Variants in EXOC4 observed in about 807,000 individuals in gnomAD.
The protein encoded by EXOC4 is SEC8-like 1.
In EXOC4, 71 loss-of-function variants were observed where a neutral mutation model predicts 107.2. The observed-to-expected ratio is 0.66, with a 90% CI of 0.55 to 0.81. The LOEUF (loss-of-function observed/expected upper bound fraction) is 0.81. EXOC4 is among the 30% of genes least tolerant of loss of function. The pLI is 0.00. For missense variants in EXOC4, 1,108 were observed against 1,189.6 expected, an observed-to-expected ratio of 0.93 and a Z score of 1.01; for synonymous variants, 456 against 441.2, an observed-to-expected ratio of 1.03 and a Z score of -0.42.
chr7:133,790,295 T>C (rs957198044), intron 10 of EXOC4, among the ~76,000 whole-genome samples: 3 of 152,232 alleles, frequency 2.0e-5, no homozygotes, highest in African/African-American at 7.2e-5. Flanking sequence ...GTCTCAGAGA[T>C]TCTTCACCTG....
chr7:133,351,099 T>C lies in EXOC4; in HGVS notation c.764-5231T>C, dbSNP rs1199339749. ...GTGTATAGTCCTATAAGTATGCTGC[T>C]GAATTCAGTTTGTTAGTGTTTTGTT... On this transcript the variant is annotated intron_variant, in intron 5 of 17. Coordinates refer to ENST00000253861, the MANE Select transcript of EXOC4 (RefSeq NM_021807.4). Among the ~76,000 whole-genome samples the C allele has an allele frequency of 2.6e-5, 4 of 152,190 alleles. No individual in the cohort carries two copies. The East Asian group carries it at 7.7e-4, about 29-fold the overall frequency.
In EXOC4 at chr7:133,630,236, A is replaced by C. The variant is rs1585042706; in HGVS notation, c.1514+95A>C. The C allele has an allele frequency of 6.8e-6, 6 of 884,310 alleles. 2 individuals are homozygous for C. The Admixed American group carries it at 1.4e-4, about 20-fold the overall frequency. 54.8% of individuals were successfully genotyped at this position (884,310 alleles called of 1,614,324 possible). A position where few individuals can be genotyped will look rare whatever the true frequency, so the allele number is the denominator to read the frequency against. On this transcript the variant is annotated intron_variant, in intron 10 of 17. Coordinates refer to ENST00000253861, the MANE Select transcript of EXOC4 (RefSeq NM_021807.4). ...CCAGTTGTTGAGTCAGCACTGAAACAAGTCATAAAAGAAATTTATTCCATT... is the reference window on the plus strand; with the variant it reads ...CCAGTTGTTGAGTCAGCACTGAAACCAGTCATAAAAGAAATTTATTCCATT...
intron 6 of EXOC4, among the ~76,000 whole-genome samples, chr7:133,370,526 A>G (rs1340647834): frequency 1.3e-5 from 2 of 152,096 alleles, no homozygotes; most frequent in African/African-American, 2.4e-5. Flanking sequence ...GACCAGAGGG[A>G]TGACGTTGAG....
chr7:133,256,621 TAGTG>T (rs1453928160), intron 1 of EXOC4, among the ~76,000 whole-genome samples: 3 of 152,242 alleles, frequency 2.0e-5, no homozygotes, highest in African/African-American at 7.2e-5. Flanking sequence ...CTTTTTTGAA[TAGTG>T]AGTATTAAAA....
intron 10 of EXOC4, among the ~76,000 whole-genome samples, chr7:133,769,119 A>G (rs1044038019): frequency 3.3e-5 from 5 of 151,996 alleles, no homozygotes; most frequent in Non-Finnish European, 7.4e-5. Flanking sequence ...TGAGAATTGC[A>G]CGTGCAAATG....
intron 3 of EXOC4, among the ~76,000 whole-genome samples, chr7:133,294,633 T>C (rs988837659): frequency 6.6e-6 from 1 of 152,174 alleles, no homozygotes; most frequent in African/African-American, 2.4e-5. Context: ...ATCTGCCTTC[T>C]TCCCAGAGGA....
intron 10 of EXOC4, among the ~76,000 whole-genome samples, chr7:133,691,367 T>C (rs187307692): frequency 8.7e-4 from 133 of 152,268 alleles, no homozygotes; most frequent in African/African-American, 3.0e-3. Flanking sequence ...AATAAACCAT[T>C]TGCTCAGAAG....
intron 14 of EXOC4, among the ~76,000 whole-genome samples, chr7:133,978,227 C>A (rs1338269278): frequency 6.6e-6 from 1 of 152,210 alleles, no homozygotes; most frequent in Non-Finnish European, 1.5e-5. Context: ...TAGAGCAGAG[C>A]ATTCTGAACC....
chr7:133,402,909 G>A (rs974774136), intron 7 of EXOC4, among the ~76,000 whole-genome samples: 6 of 138,948 alleles, frequency 4.3e-5, no homozygotes, highest in African/African-American at 1.4e-4. Context: ...TTTTTGAGAC[G>A]GAGTCTCACT....
intron 7 of EXOC4, among the ~76,000 whole-genome samples, chr7:133,408,775 C>CTTCACATATG (rs1797286750): frequency 6.6e-6 from 1 of 152,156 alleles, no homozygotes; most frequent in South Asian, 2.1e-4. Flanking sequence ...TTGCTTCTCA[C>CTTCACATATG]GTTATTTCCA....
At chr7:133,573,026 G>T (rs1463146387) in intron 9 of EXOC4, among the ~76,000 whole-genome samples, 2 of 152,106 alleles carry the variant, frequency 1.3e-5, no homozygotes, top group African/African-American at 4.8e-5. Context: ...TAACCATATG[G>T]CAAAGCACTT....
intron 10 of EXOC4, among the ~76,000 whole-genome samples, chr7:133,755,464 C>T (rs890513416): frequency 1.3e-5 from 2 of 148,880 alleles, no homozygotes; most frequent in African/African-American, 5.0e-5. Context: ...CTGCCTCAGC[C>T]TCCCAAGTAG....
At chr7:133,955,505 G>A (rs962538602) in intron 14 of EXOC4, among the ~76,000 whole-genome samples, 4 of 152,192 alleles carry the variant, frequency 2.6e-5, no homozygotes, top group Non-Finnish European at 2.9e-5. Flanking sequence ...GGGAGGAAGT[G>A]TGTGTTGATT....
In EXOC4 at chr7:133,843,322, G is replaced by GT. The variant is rs375597883; in HGVS notation, c.1734+25780dup. Among the ~76,000 whole-genome samples, 363 of 152,036 alleles carry GT rather than the reference G, an allele frequency of 2.4e-3. 5 individuals are homozygous for GT. The highest frequency in any genetic ancestry group is 8.2e-3 in the African/African-American group (339 of 41,502). ...ATGAGCATGGAATGTTTTTCTATTT[G>GT]TTATGTCATCTCTGATTTCTTTGTG... On this transcript the variant is annotated intron_variant, in intron 11 of 17. Coordinates refer to ENST00000253861, the MANE Select transcript of EXOC4 (RefSeq NM_021807.4).
chr7:133,526,468 C>G (rs1348537873), intron 9 of EXOC4, among the ~76,000 whole-genome samples: 5 of 152,078 alleles, frequency 3.3e-5, no homozygotes, highest in African/African-American at 1.2e-4. Context: ...CAAGAACAAA[C>G]AAAGATTTTA....
chr7:133,824,366 C>T (rs139747651), intron 11 of EXOC4, among the ~76,000 whole-genome samples: 1 of 152,180 alleles, frequency 6.6e-6, no homozygotes, highest in East Asian at 1.9e-4. Context: ...GTCTTCTTCT[C>T]ATCACCAGCT....
At chr7:133,637,379 G>A (rs1216473454) in intron 10 of EXOC4, among the ~76,000 whole-genome samples, 2 of 152,064 alleles carry the variant, frequency 1.3e-5, no homozygotes, top group African/African-American at 4.8e-5. Context: ...TTCTACCCAT[G>A]TCAGTTTGAT....
chr7:133,968,437 A>G (rs1400623310), intron 14 of EXOC4, among the ~76,000 whole-genome samples: 4 of 152,134 alleles, frequency 2.6e-5, no homozygotes, highest in Non-Finnish European at 4.4e-5. Context: ...CATAGTGTCA[A>G]TGGTCTTTAC....
chr7:133,427,625 G>C (rs1797756343), intron 7 of EXOC4, among the ~76,000 whole-genome samples: 2 of 152,292 alleles, frequency 1.3e-5, no homozygotes, highest in South Asian at 4.1e-4. Context: ...AGGGAGATGT[G>C]GGGTTGGCAC....
Sources: gnomAD v4.1 joint callset for allele counts (sites outside exome capture counted in the v4.1 genomes callset) on GRCh38, gnomAD v4.1.1 for gene constraint, MANE v1.5 for transcripts, NCBI Gene and HGNC (gene_info 2026-07-23, HGNC 2026-07-21) for gene names.